CUL4B: variants seen among roughly 807,000 people sequenced by gnomAD.
The protein encoded by CUL4B is cullin-4B.
In CUL4B, 1 loss-of-function variant was observed where a neutral mutation model predicts 69.2. That is an observed-to-expected ratio of 0.01 (90% CI 0.01 to 0.07). The LOEUF (loss-of-function observed/expected upper bound fraction) is 0.07. CUL4B is among the 10% of genes least tolerant of loss of function. CUL4B has a pLI of 1.00. For synonymous variants in CUL4B, 237 were observed against 223.2 expected (o/e 1.06, Z -0.55); for missense variants, 328 against 638.8 (o/e 0.51, Z 5.24).
At chrX:120,527,052 G>A (rs1923012142) in intron 19 of CUL4B, among the ~76,000 whole-genome samples, 196 bp from the exon 20 acceptor site, 1 of 109,357 alleles carries the variant, frequency 9.1e-6, no homozygotes. Context: ...TTTTATACAC[G>A]TTGAAGATTC....
rs760511816 is a variant in CUL4B, at chrX:120,573,336, A to G, written c.67+1215T>C. The stretch of plus-strand genomic sequence containing the variant: ...GTACACTATTTTACAGTAAAAATAT[A>G]CCATATTGTATTAAACCATTCCCCT... On this transcript the variant is annotated intron_variant, in intron 2 of 2. Coordinates refer to the CUL4B transcript ENST00000486604. Among the ~76,000 whole-genome samples the G allele has an allele frequency of 3.5e-4, 39 of 111,856 alleles. 1 individual carries two copies. The highest frequency in any genetic ancestry group is 1.2e-3 in the African/African-American group (38 of 30,790).
Position 120,544,444 on chromosome X carries a change from A to AATCAGCTCTGT in CUL4B, c.1083+26_1083+36dup, listed in dbSNP as rs748430150. 6.0e-4 allele frequency: 716 copies of AATCAGCTCTGT among 1,194,570 alleles called. 2 individuals are homozygous for AATCAGCTCTGT. In the Middle Eastern group the frequency reaches 0.019, roughly 32 times the overall value. On this transcript the variant is annotated intron_variant, in intron 6 of 19. Transcript: ENST00000371322. ...TGGGGGGAAAAAAAACTAGGATAGC[A>AATCAGCTCTGT]ATCAGCTCTGTATAGTAGGTGTAGT...
intron 14 of CUL4B, 86 bp downstream of exon 14, chrX:120,538,038 T>C (rs1923772679): frequency 6.0e-6 from 4 of 671,709 alleles, no homozygotes; most frequent in Non-Finnish European, 9.4e-6. Context: ...AACACGTTTC[T>C]ATTTATCCTC....
rs1002609542 is a variant in CUL4B, at chrX:120,560,895, G to C, written c.-257C>G. 1 of 750,101 alleles carries C rather than the reference G, an allele frequency of 1.3e-6. No individual in the cohort carries two copies. The highest frequency in any genetic ancestry group is 1.6e-6 in the Non-Finnish European group (1 of 638,048). The allele number at this position is 750,101 out of a possible 1,213,427, so 61.8% of individuals were successfully genotyped here. A position where few individuals can be genotyped will look rare whatever the true frequency, so the allele number is the denominator to read the frequency against. On this transcript the variant is annotated 5_prime_UTR_variant, in exon 1 of 20. Transcript: ENST00000371322. ...TGAGGAGGCAGACAGGTAAACGGCC[G>C]TGCCGTCCCCCTCCCCTGCTTTTCG...
intron 2 of CUL4B, 94 bp from the exon 3 acceptor site, chrX:120,547,333 G>A: frequency 1.7e-6 from 1 of 576,177 alleles, no homozygotes; most frequent in Non-Finnish European, 3.0e-6. Flanking sequence ...TACCACATCA[G>A]CTTATTAAAA....
chrX:120,539,703 G>A (rs763062564), intron 11 of CUL4B, among the ~76,000 whole-genome samples: 16 of 112,127 alleles, frequency 1.4e-4, no homozygotes, highest in South Asian at 1.1e-3. Flanking sequence ...TCCAAGCCAC[G>A]AAAAGACATG....
At chrX:120,574,185 T>C (rs1292438653) in intron 2 of CUL4B, among the ~76,000 whole-genome samples, 1 of 98,489 alleles carries the variant, frequency 1.0e-5, no homozygotes, top group Non-Finnish European at 2.0e-5. Flanking sequence ...TTCATAAGAA[T>C]TTACTCAAGC....
At chrX:120,539,397 T>C (rs1183454893) in intron 11 of CUL4B, 25 bp from the exon 12 acceptor site, 1 of 985,681 alleles carries the variant, frequency 1.0e-6, no homozygotes, top group South Asian at 2.0e-5. Context: ...AAGTTTGTTG[T>C]TTAATAACCG....
chrX:120,545,437 T>A lies in CUL4B; in HGVS notation c.920+7A>T, dbSNP rs1924256849. The A allele has an allele frequency of 8.8e-7, 1 of 1,142,635 alleles. No homozygotes were observed. Among genetic ancestry groups the A allele is most frequent in the Non-Finnish European group, 1.2e-6 (1 of 842,685 alleles). The allele number at this position is 1,142,635 out of a possible 1,213,427, so 94.2% of individuals were successfully genotyped here. A position where few individuals can be genotyped will look rare whatever the true frequency, so the allele number is the denominator to read the frequency against. On this transcript the variant is annotated splice_region_variant and intron_variant, in intron 5 of 19. Coordinates refer to ENST00000371322, the MANE Select transcript of CUL4B (RefSeq NM_001079872.2). Reference sequence around the variant, plus strand: ...ACAATCTTTTCATATTTTTCTGGCATCCTTACCAAATGGAGGGTAGCATTG... The same window carrying A: ...ACAATCTTTTCATATTTTTCTGGCAACCTTACCAAATGGAGGGTAGCATTG...
rs1367442039 is a variant in CUL4B, at chrX:120,560,409, G to A, written c.230C>T (p.Ser77Phe). Residue 77 changes from serine (S) to phenylalanine (F), a missense_variant, in exon 1 of 20, where the codon TCC becomes TTC. Physicochemically the swap from Ser to Phe is radical, Grantham distance 155. Around this residue, in one of 4 missense-constraint regions of CUL4B, gnomAD observed 102 missense variants for 122.1 expected, o/e 0.84. Transcript: ENST00000371322. Reference protein sequence around the residue: ...TPPLQPRDSASPSTSSFCLGV... With the variant: ...TPPLQPRDSAFPSTSSFCLGV... ...CAGGCAGAAGGACGAGGTTGAAGGG[G>A]ATGCCGAATCCCTGGGTTGTAAAGG... is the stretch of plus-strand genomic sequence containing the variant. The A allele has an allele frequency of 2.5e-6, 3 of 1,209,745 alleles. 1 individual carries two copies. The highest frequency in any genetic ancestry group is 3.5e-5 in the South Asian group (2 of 56,644).
At chrX:120,539,514 T>C (rs369046958) in intron 11 of CUL4B, 142 bp from the exon 12 acceptor site, 53 of 412,207 alleles carry the variant, frequency 1.3e-4, no homozygotes, top group African/African-American at 1.3e-3. Context: ...GTCTCCAAAG[T>C]CAGGAAGATC....
chrX:120,554,405 C>A (rs745846568), intron 2 of CUL4B, among the ~76,000 whole-genome samples: 1 of 111,995 alleles, frequency 8.9e-6, no homozygotes, highest in Non-Finnish European at 1.9e-5. Flanking sequence ...AAAACAAGCA[C>A]GCAAACAAAC....
At chrX:120,562,990 C>T (rs1214348366), upstream of CUL4B, among the ~76,000 whole-genome samples, 1 of 112,264 alleles carries the variant, frequency 8.9e-6, no homozygotes, top group African/African-American at 3.2e-5. Context: ...AATCAGAACC[C>T]TGCAAATAAA....
intron 17 of CUL4B, among the ~76,000 whole-genome samples, chrX:120,533,396 A>C (rs1923445407): frequency 8.9e-6 from 1 of 112,039 alleles, no homozygotes; most frequent in Admixed American, 9.5e-5. Flanking sequence ...TGCTAGACTT[A>C]TCAGGTTCTC....
chrX:120,551,965 G>GT (rs1924715643), intron 2 of CUL4B, among the ~76,000 whole-genome samples: 1 of 111,511 alleles, frequency 9.0e-6, no homozygotes, highest in South Asian at 3.7e-4. Flanking sequence ...ATAAGAAGGT[G>GT]TTTGAGATAA....
intron 15 of CUL4B, 89 bp from the exon 16 acceptor site, chrX:120,536,032 T>A: frequency 1.5e-6 from 1 of 679,558 alleles, no homozygotes; most frequent in Non-Finnish European, 2.4e-6. Context: ...ATATAGTTTC[T>A]GGAAAATTTT....
At chrX:120,527,161 G>A (rs1486745476) in intron 19 of CUL4B, among the ~76,000 whole-genome samples, 1 of 109,149 alleles carries the variant, frequency 9.2e-6, no homozygotes, top group Admixed American at 9.8e-5. Flanking sequence ...CTGGGTTCAA[G>A]TGATTCTTCT....
intron 2 of CUL4B, among the ~76,000 whole-genome samples, chrX:120,552,091 T>C (rs888150797): frequency 8.9e-6 from 1 of 112,558 alleles, no homozygotes; most frequent in Non-Finnish European, 1.9e-5. Context: ...TTAAATATTA[T>C]GTATTATTTA....
At chrX:120,542,059 TC>T (rs1374732082) in intron 9 of CUL4B, among the ~76,000 whole-genome samples, 3 of 109,397 alleles carry the variant, frequency 2.7e-5, no homozygotes, top group Non-Finnish European at 3.8e-5. Flanking sequence ...TAAGACCCCC[TC>T]CCCCTCTCTA....
Sources: allele counts gnomAD v4.1 joint callset (sites outside exome capture counted in the v4.1 genomes callset), GRCh38; gene constraint gnomAD v4.1.1; regional missense constraint gnomAD v4.1.1; transcripts MANE v1.5; gene names NCBI Gene and HGNC (gene_info 2026-07-23, HGNC 2026-07-21).